TRIML2: variants seen among roughly 807,000 people sequenced by gnomAD.
TRIML2 encodes the protein tripartite motif family like 2, also known as probable E3 ubiquitin-protein ligase TRIML2.
A neutral mutation model predicts 31.2 loss-of-function variants in TRIML2; 28 were observed. The ratio of observed to expected loss-of-function variants is 0.90; its 90% confidence interval spans 0.66 to 1.23. The LOEUF is 1.23. Among genes scored for constraint, TRIML2 ranks in the 50% most tolerant of loss-of-function variants. TRIML2 has a pLI of 0.00. For missense variants in TRIML2, 536 were observed against 528.3 expected (o/e 1.01, Z -0.14); for synonymous variants, 187 against 197.5 (o/e 0.95, Z 0.45).
intron 3 of TRIML2, among the ~76,000 whole-genome samples, chr4:188,103,387 G>A (rs1733889882): frequency 6.6e-6 from 1 of 152,076 alleles, no homozygotes; most frequent in Non-Finnish European, 1.5e-5. Flanking sequence ...CCTTCTGTTC[G>A]AAACCTTCCA....
Position 188,104,083 on chromosome 4 carries a change from A to T in TRIML2, c.285+754T>A, listed in dbSNP as rs548873505. On this transcript the variant is annotated intron_variant, in intron 3 of 7. Coordinates refer to ENST00000682553, the MANE Select transcript of TRIML2 (RefSeq NM_173553.4). ...CCCTCAAATCTGAATAGCTATTCTC[A>T]AATTGCTCTTTAAAGGGTTTTAGAA... Among the ~76,000 whole-genome samples the T allele has an allele frequency of 3.3e-5, 5 of 152,314 alleles. No individual in the cohort carries two copies. In the South Asian group the frequency reaches 8.3e-4, roughly 25 times the overall value.
At chr4:188,108,488 A>G (rs1340151378) in intron 1 of TRIML2, among the ~76,000 whole-genome samples, 1 of 152,098 alleles carries the variant, frequency 6.6e-6, no homozygotes, top group Non-Finnish European at 1.5e-5. Flanking sequence ...TCTCTGCTCA[A>G]CCACCAGAAT....
intron 1 of TRIML2, chr4:188,106,062 T>G (rs1463025913): frequency 6.6e-6 from 1 of 152,024 alleles, no homozygotes; most frequent in Non-Finnish European, 1.5e-5. Context: ...CTCTTTTTTT[T>G]TTTTTGAGAC....
At chr4:188,097,791 C>T (rs1733584603) in intron 5 of TRIML2, among the ~76,000 whole-genome samples, 1 of 152,068 alleles carries the variant, frequency 6.6e-6, no homozygotes, top group Admixed American at 6.6e-5. Flanking sequence ...GCATTCATTG[C>T]AATTATAAGC....
chr4:188,102,145 A>G (rs981421702), intron 3 of TRIML2, among the ~76,000 whole-genome samples: 10 of 151,754 alleles, frequency 6.6e-5, no homozygotes, highest in South Asian at 4.1e-4. Context: ...AAAAAAAAAA[A>G]AAAAGAAATG....
At chr4:188,102,336 CA>C (rs1208838429) in intron 3 of TRIML2, among the ~76,000 whole-genome samples, 1 of 151,816 alleles carries the variant, frequency 6.6e-6, no homozygotes, top group Non-Finnish European at 1.5e-5. Context: ...ATGGAATTAC[CA>C]AAATATATAG....
At chr4:188,106,222 T>C (rs922743296) in intron 1 of TRIML2, among the ~76,000 whole-genome samples, 2 of 151,930 alleles carry the variant, frequency 1.3e-5, no homozygotes, top group African/African-American at 4.8e-5. Flanking sequence ...GCTAATTTTT[T>C]GTATTTTTGT....
chr4:188,100,143 G>C lies in TRIML2; in HGVS notation c.480+913C>G, dbSNP rs186308072. Among the ~76,000 whole-genome samples the C allele has an allele frequency of 2.1e-3, 318 of 152,224 alleles. 4 individuals carry two copies. The highest frequency in any genetic ancestry group is 0.02 in the Admixed American group (303 of 15,276). ...TCCATGTATGTATGGAGCACATTTT[G>C]TGAGTCTTCTATTGACAAATACAGG... On this transcript the variant is annotated intron_variant, in intron 4 of 7. Transcript: ENST00000682553.
At chr4:188,092,926 T>C (rs1330054865) in intron 7 of TRIML2, 2 of 456,268 alleles carry the variant, frequency 4.4e-6, no homozygotes, top group Admixed American at 4.7e-5. Context: ...GGACTTCTTC[T>C]TTCAAGTAGT....
chr4:188,094,709 A>G (rs1733424957), intron 7 of TRIML2, among the ~76,000 whole-genome samples: 1 of 152,222 alleles, frequency 6.6e-6, no homozygotes, highest in Admixed American at 6.5e-5. Flanking sequence ...ATTCTCCCCA[A>G]ACTGATCAAC....
Position 188,091,507 on chromosome 4 carries a change from T to A in TRIML2, c.1180A>T (p.Asn394Tyr). 6.2e-7 allele frequency: 1 copy of A among 1,614,116 alleles called. No homozygotes were observed. The highest frequency in any genetic ancestry group is 8.5e-7 in the Non-Finnish European group (1 of 1,180,036). Residue 394 changes from asparagine (N) to tyrosine (Y), a missense_variant, in exon 8 of 8, where the codon AAT becomes TAT. Asn to Tyr is a moderately radical substitution (Grantham distance 143). Coordinates refer to ENST00000682553, the MANE Select transcript of TRIML2 (RefSeq NM_173553.4). ...CCTTGGAAGGCGCAATGGGAGAAATTGTAAATGAGGGACATCTCGGTCACA... is the reference window on the plus strand; with the variant it reads ...CCTTGGAAGGCGCAATGGGAGAAATAGTAAATGAGGGACATCTCGGTCACA... ...YNVTEMSLIY[N>Y]FSHCAFQGAL...
intron 3 of TRIML2, among the ~76,000 whole-genome samples, chr4:188,103,075 C>G (rs372022509): frequency 0.026 from 3,709 of 143,686 alleles, 69 homozygotes; most frequent in East Asian, 0.055. Flanking sequence ...TGCAGTGGCG[C>G]CATCTCGGCT....
intron 3 of TRIML2, among the ~76,000 whole-genome samples, chr4:188,102,308 G>C (rs569719700): frequency 7.9e-5 from 12 of 151,974 alleles, no homozygotes; most frequent in Non-Finnish European, 1.6e-4. Flanking sequence ...AAAAATTTTA[G>C]ACTAAGCAAC....
Position 188,092,576 on chromosome 4 carries a change from T to C in TRIML2, c.746-635A>G, listed in dbSNP as rs75793538. 7.5e-3 allele frequency among the ~76,000 whole-genome samples: 1,148 copies of C among 152,258 alleles called. 11 individuals are homozygous for C. The highest frequency in any genetic ancestry group is 0.024 in the African/African-American group (1,012 of 41,542). ...CACTTGGGGCCCAACCCTGGTCTTC[T>C]AGATCTCCAAGCCTGGAGCGGCCAC... On this transcript the variant is annotated intron_variant, in intron 7 of 7. Coordinates refer to ENST00000682553, the MANE Select transcript of TRIML2 (RefSeq NM_173553.4).
chr4:188,103,127 C>T (rs1432330255), intron 3 of TRIML2, among the ~76,000 whole-genome samples: 2 of 150,876 alleles, frequency 1.3e-5, no homozygotes, highest in South Asian at 2.1e-4. Context: ...ATTCTCCTGC[C>T]TCAGTCACCT....
chr4:188,095,610 C>T (rs1733471920), intron 7 of TRIML2, among the ~76,000 whole-genome samples: 1 of 152,080 alleles, frequency 6.6e-6, no homozygotes, highest in South Asian at 2.1e-4. Context: ...AATACCAAAC[C>T]CTGGTGAGAA....
Position 188,101,124 on chromosome 4 carries a change from C to A in TRIML2, c.412G>T (p.Glu138Ter). ...TTGATCGCTTGATTCAGAAGGGTTTCTCTCAGGTTCAAGTCAGATATGCAT... is the reference window on the plus strand; with the variant it reads ...TTGATCGCTTGATTCAGAAGGGTTTATCTCAGGTTCAAGTCAGATATGCAT... The part of the protein sequence containing the change: ...QECISDLNLR[E>*]TLLNQAIKLA... Residue 138 changes from glutamate (E) to a stop codon, truncating the protein, a stop_gained, in exon 4 of 8, where the codon GAA becomes TAA. Coordinates refer to ENST00000682553, the MANE Select transcript of TRIML2 (RefSeq NM_173553.4). LOFTEE classifies it high-confidence loss of function. The A allele has an allele frequency of 6.2e-7, 1 of 1,613,860 alleles. No individual in the cohort carries two copies. Among genetic ancestry groups the A allele is most frequent in the Non-Finnish European group, 8.5e-7 (1 of 1,179,946 alleles).
chr4:188,104,692 A>G (rs1733949923), intron 3 of TRIML2, 145 bp downstream of exon 3: 1 of 693,624 alleles, frequency 1.4e-6, no homozygotes. Flanking sequence ...CTTTTTATAC[A>G]TTAAGATATT....
intron 4 of TRIML2, among the ~76,000 whole-genome samples, chr4:188,100,274 AC>A (rs1278499227): frequency 1.3e-5 from 2 of 152,158 alleles, no homozygotes; most frequent in African/African-American, 4.8e-5. Context: ...AGATTATCTC[AC>A]TCAAATCTCA....
Sources: allele counts gnomAD v4.1 joint callset (sites outside exome capture counted in the v4.1 genomes callset), GRCh38; gene constraint gnomAD v4.1.1; transcripts MANE v1.5; gene names NCBI Gene and HGNC (gene_info 2026-07-23, HGNC 2026-07-21).